Variants in PCNT observed in about 807,000 individuals in gnomAD.
PCNT encodes kendrin.
In PCNT, 319 loss-of-function variants were observed where a neutral mutation model predicts 380.4. The observed-to-expected ratio is 0.84, with a 90% CI of 0.77 to 0.92. PCNT has a LOEUF of 0.92. PCNT is among the 40% of genes least tolerant of loss of function. The probability of loss-of-function intolerance (pLI) is 0.00; values close to 1 mark genes in which losing one functional copy is unlikely to be tolerated. For missense variants in PCNT, 4,400 were observed against 4,255.3 expected (o/e 1.03, Z -0.95); for synonymous variants, 1,845 against 1,735.2 (o/e 1.06, Z -1.57).
rs190844693 is a variant in PCNT at position 46,351,417 on chromosome 21, T to G, written c.1345-12T>G. 2 of 1,498,388 alleles carry G rather than the reference T, an allele frequency of 1.3e-6. No homozygotes were observed. The highest frequency in any genetic ancestry group is 1.1e-5 in the South Asian group (1 of 88,788). The allele number at this position is 1,498,388 out of a possible 1,614,324, so 92.8% of individuals were successfully genotyped here. On this transcript the variant is annotated splice_polypyrimidine_tract_variant and intron_variant, in intron 8 of 46. Transcript: ENST00000359568. ...TCATTAGGGTTTCACCTGGACACTT[T>G]GCTTTTTCCAGTTAGAGAATCTTCA...
rs551511384 is a variant in PCNT at position 46,342,563 on chromosome 21, G to A, written c.640-3565G>A. Reference sequence around the variant, plus strand: ...TTTTTTTTTCTTTTTTTTTTGAGACGGAGTTTTGCTCTTGTTGCCCAGGCT... The same window carrying A: ...TTTTTTTTTCTTTTTTTTTTGAGACAGAGTTTTGCTCTTGTTGCCCAGGCT... On this transcript the variant is annotated intron_variant, in intron 3 of 46. Coordinates refer to ENST00000359568, the MANE Select transcript of PCNT (RefSeq NM_006031.6). Among the ~76,000 whole-genome samples, 21 of 146,028 alleles carry A rather than the reference G, an allele frequency of 1.4e-4. No homozygotes were observed. The East Asian group carries it at 2.4e-3, about 17-fold the overall frequency.
intron 13 of PCNT, among the ~76,000 whole-genome samples, chr21:46,362,673 G>A (rs1371009741): frequency 6.6e-6 from 1 of 151,954 alleles, no homozygotes; most frequent in Non-Finnish European, 1.5e-5. Context: ...AGGCATGGTG[G>A]CTCACACCTG....
At chr21:46,431,199 G>A in intron 37 of PCNT, 20 of 1,230,372 alleles carry the variant, frequency 1.6e-5, no homozygotes, top group Non-Finnish European at 1.9e-5. Context: ...TTTCTGAAGA[G>A]GGGGCAGGAG....
intron 1 of PCNT, chr21:46,325,137 A>G (rs538159217): frequency 2.0e-6 from 2 of 985,620 alleles, no homozygotes; most frequent in Non-Finnish European, 2.4e-6. Flanking sequence ...CGCAGAGCCC[A>G]TGACTCGGGG....
At chr21:46,430,897 C>A in intron 37 of PCNT, 1 of 985,424 alleles carries the variant, frequency 1.0e-6, no homozygotes, top group Non-Finnish European at 1.2e-6. Flanking sequence ...CTCGGAGCCC[C>A]CCCCCGTCCC....
At chr21:46,336,074 T>G (rs1205114215) in intron 3 of PCNT, among the ~76,000 whole-genome samples, 1 of 152,106 alleles carries the variant, frequency 6.6e-6, no homozygotes, top group Non-Finnish European at 1.5e-5. Flanking sequence ...CCTCCCAGGT[T>G]CAAGTGGTTC....
In PCNT at chr21:46,363,829, A is replaced by G. The variant is rs764267881; in HGVS notation, c.2504A>G (p.His835Arg). 2.5e-6 allele frequency: 4 copies of G among 1,612,284 alleles called. No individual in the cohort carries two copies. Among genetic ancestry groups the G allele is most frequent in the East Asian group, 2.2e-5 (1 of 44,880 alleles). ...GACCTCACTTCAGACGACGCCCTGC[A>G]TTGCAGCCAGTGTGGGCGGGAGCCG... ...EQDLTSDDAL[H>R]CSQCGREPPT... The change falls in exon 14 of 47, where the codon CAT becomes CGT. Residue 835 changes from histidine to arginine, a missense_variant. By Grantham distance (29) the His-to-Arg change is conservative. Coordinates refer to ENST00000359568, the MANE Select transcript of PCNT (RefSeq NM_006031.6).
At chr21:46,392,923 T>C (rs1285214072) in intron 21 of PCNT, among the ~76,000 whole-genome samples, 1 of 152,260 alleles carries the variant, frequency 6.6e-6, no homozygotes, top group African/African-American at 2.4e-5. Context: ...TCTGTTTTAG[T>C]TGTGCCTTGT....
chr21:46,372,084 C>T (rs776379364), intron 15 of PCNT, among the ~76,000 whole-genome samples: 66 of 150,578 alleles, frequency 4.4e-4, no homozygotes, highest in Admixed American at 6.6e-5. Context: ...ACAGCACATG[C>T]GCACACATAG....
rs1210686665 is a variant in PCNT, at chr21:46,411,999, G to A, written c.5926G>A (p.Ala1976Thr). ...GCCTCGCATGGATGGTGGCGCCAAG[G>A]CCCAGGTCACCGGCGACGTGGAGGC... ...PQPRMDGGAK[A>T]QVTGDVEASH... is the part of the protein sequence containing the mutation. Residue 1976 changes from alanine (A) to threonine (T), a missense_variant, in exon 28 of 47, where the codon GCC becomes ACC. Physicochemically the swap from Ala to Thr is moderately conservative, Grantham distance 58. Transcript: ENST00000359568. 6 of 1,606,222 alleles carry A rather than the reference G, an allele frequency of 3.7e-6. No homozygotes were observed. In the African/African-American group the frequency reaches 6.7e-5, roughly 18 times the overall value.
intron 29 of PCNT, among the ~76,000 whole-genome samples, chr21:46,414,144 AC>A (rs1484402594): frequency 1.3e-5 from 2 of 151,998 alleles, no homozygotes; most frequent in Non-Finnish European, 2.9e-5. Context: ...GGCATGCGCC[AC>A]CACACCCAGC....
At chr21:46,364,832 G>T (rs1039225378) in intron 14 of PCNT, among the ~76,000 whole-genome samples, 1 of 152,142 alleles carries the variant, frequency 6.6e-6, no homozygotes, top group Non-Finnish European at 1.5e-5. Context: ...GCATGAACAC[G>T]AGCAGGACGC....
In PCNT at chr21:46,334,465, T is replaced by C. The variant is rs59157477; in HGVS notation, c.336T>C (p.His112=). 27 of 1,613,916 alleles carry C rather than the reference T, an allele frequency of 1.7e-5. No individual in the cohort carries two copies. The East Asian group carries it at 2.2e-4, about 13-fold the overall frequency. ...TGCAGCAGAAGCAAGTCAATGACCATCCTCCAGAGCAGTGTGGGATGTTCA... is the reference window on the plus strand; with the variant it reads ...TGCAGCAGAAGCAAGTCAATGACCACCCTCCAGAGCAGTGTGGGATGTTCA... The part of the protein sequence containing the change: ...EQLQQKQVND[H]PPEQCGMFTV... Residue 112 remains histidine, a synonymous_variant, in exon 3 of 47, where the codon CAT becomes CAC. Coordinates refer to ENST00000359568, the MANE Select transcript of PCNT (RefSeq NM_006031.6).
At chr21:46,358,460 A>G (rs1601828854) in intron 13 of PCNT, among the ~76,000 whole-genome samples, 2 of 152,284 alleles carry the variant, frequency 1.3e-5, no homozygotes, top group Non-Finnish European at 1.5e-5. Context: ...CTTCCAGCAA[A>G]ATAGAGGTAA....
At chr21:46,370,843 G>A (rs1601867534) in intron 15 of PCNT, among the ~76,000 whole-genome samples, 1 of 152,186 alleles carries the variant, frequency 6.6e-6, no homozygotes, top group African/African-American at 2.4e-5. Context: ...AGACCGTCCT[G>A]GCTAACACGG....
intron 31 of PCNT, among the ~76,000 whole-genome samples, chr21:46,419,546 C>G (rs563289797): frequency 6.6e-6 from 1 of 152,256 alleles, no homozygotes. Flanking sequence ...GGACGCGCCC[C>G]GTGTTCCAGC....
intron 2 of PCNT, among the ~76,000 whole-genome samples, chr21:46,330,799 G>A (rs2083535137): frequency 6.6e-6 from 1 of 152,204 alleles, no homozygotes; most frequent in African/African-American, 2.4e-5. Context: ...GCTGGTGGCC[G>A]TGTGGCCGAA....
At chr21:46,433,586 A>G (rs2087856257) in intron 38 of PCNT, among the ~76,000 whole-genome samples, 1 of 152,158 alleles carries the variant, frequency 6.6e-6, no homozygotes, top group African/African-American at 2.4e-5. Flanking sequence ...GGAATGCTCA[A>G]AGGAGTCTTT....
At chr21:46,414,809 T>G (rs1203594597) in intron 29 of PCNT, among the ~76,000 whole-genome samples, 1 of 128,558 alleles carries the variant, frequency 7.8e-6, no homozygotes, top group Non-Finnish European at 1.6e-5. Context: ...CTCCTGGACA[T>G]GCAGCCGCCC....
Sources: allele counts gnomAD v4.1 joint callset (sites outside exome capture counted in the v4.1 genomes callset), GRCh38; gene constraint gnomAD v4.1.1; transcripts MANE v1.5; gene names NCBI Gene and HGNC (gene_info 2026-07-23, HGNC 2026-07-21).